Variants in PPFIA2 observed in about 807,000 individuals in gnomAD.
PPFIA2 encodes the protein liprin-alpha-2.
Under a neutral mutation model 175.5 loss-of-function variants are expected in PPFIA2, and 46 were observed. The observed-to-expected ratio is 0.26, with a 90% CI of 0.21 to 0.34. The LOEUF (loss-of-function observed/expected upper bound fraction) is 0.34. Among genes scored for constraint, PPFIA2 ranks in the 10% least tolerant of loss-of-function variants. The pLI, the probability that PPFIA2 is intolerant of heterozygous loss-of-function variation, is 1.00. For missense variants in PPFIA2, 1,179 were observed against 1,506.1 expected, an observed-to-expected ratio of 0.78 and a Z score of 3.60; for synonymous variants, 568 against 511.4, an observed-to-expected ratio of 1.11 and a Z score of -1.49.
intron 2 of PPFIA2, among the ~76,000 whole-genome samples, chr12:81,756,072 C>T (rs533174761): frequency 3.3e-5 from 5 of 151,314 alleles, no homozygotes; most frequent in Admixed American, 1.3e-4. Context: ...TTATTTAAAA[C>T]GATTAGTTAG....
At chr12:81,756,850 TA>T (rs1331326974) in intron 2 of PPFIA2, among the ~76,000 whole-genome samples, 1 of 152,164 alleles carries the variant, frequency 6.6e-6, no homozygotes, top group Admixed American at 6.5e-5. Flanking sequence ...TTAATTCTAG[TA>T]GATACTTTTG....
At chr12:81,480,740 G>A (rs1225339830) in intron 4 of PPFIA2, among the ~76,000 whole-genome samples, 2 of 152,068 alleles carry the variant, frequency 1.3e-5, no homozygotes, top group Admixed American at 6.6e-5. Flanking sequence ...CACCAGAGGA[G>A]GCTGCAGACA....
chr12:81,385,388 A>G (rs2038696117), intron 8 of PPFIA2, among the ~76,000 whole-genome samples: 1 of 152,194 alleles, frequency 6.6e-6, no homozygotes, highest in South Asian at 2.1e-4. Flanking sequence ...TGTGTGGAAG[A>G]GATATCTGCA....
chr12:81,365,095 T>C (rs1284872919), intron 14 of PPFIA2, among the ~76,000 whole-genome samples: 1 of 151,752 alleles, frequency 6.6e-6, no homozygotes, highest in Non-Finnish European at 1.5e-5. Context: ...AATTTATAGA[T>C]GGTGTTTAAA....
intron 27 of PPFIA2, chr12:81,279,235 C>A (rs2041445494): frequency 6.6e-6 from 1 of 152,090 alleles, no homozygotes; most frequent in South Asian, 2.1e-4. Flanking sequence ...CATCAGCAAG[C>A]CCAGGAGAGA....
At chr12:81,325,513 T>G (rs572949674) in intron 22 of PPFIA2, among the ~76,000 whole-genome samples, 2 of 152,274 alleles carry the variant, frequency 1.3e-5, no homozygotes, top group Non-Finnish European at 2.9e-5. Flanking sequence ...ATTGCATTAC[T>G]TGTAAGGATT....
chr12:81,396,620 T>C (rs1460824430), intron 8 of PPFIA2, among the ~76,000 whole-genome samples: 4 of 152,088 alleles, frequency 2.6e-5, no homozygotes, highest in Non-Finnish European at 5.9e-5. Context: ...TGTTCAGATA[T>C]ATGGTTTAAA....
chr12:81,658,587 C>T (rs1004328490), intron 4 of PPFIA2, among the ~76,000 whole-genome samples: 3 of 151,880 alleles, frequency 2.0e-5, no homozygotes, highest in Admixed American at 6.6e-5. Flanking sequence ...TAATTAGAAA[C>T]CAGTCTCTTG....
At chr12:81,601,361 G>A (rs1056088954) in intron 4 of PPFIA2, among the ~76,000 whole-genome samples, 5 of 151,780 alleles carry the variant, frequency 3.3e-5, no homozygotes, top group African/African-American at 1.2e-4. Context: ...AATAGGAAAG[G>A]TGTTGTCCAG....
At chr12:81,686,988 A>G (rs1027766079) in intron 3 of PPFIA2, among the ~76,000 whole-genome samples, 9 of 152,136 alleles carry the variant, frequency 5.9e-5, no homozygotes, top group African/African-American at 2.2e-4. Flanking sequence ...CACCACCAGC[A>G]GCAGCAGCAA....
At position 81,353,184 on chromosome 12, in the gene PPFIA2, A is replaced by G; in HGVS notation, c.1929T>C (p.His643=). 6.2e-7 allele frequency: 1 copy of G among 1,613,860 alleles called. No individual in the cohort carries two copies. The highest frequency in any genetic ancestry group is 8.5e-7 in the Non-Finnish European group (1 of 1,179,822). Residue 643 remains histidine (H), a synonymous_variant, in exon 17 of 33, where the codon CAT becomes CAC. Coordinates refer to ENST00000549396, the MANE Select transcript of PPFIA2 (RefSeq NM_003625.5). ...SSMDLLSPSG[H]SDAQTLAMML... The stretch of plus-strand genomic sequence containing the variant: ...TCATGGCTAGCGTCTGGGCATCGGA[A>G]TGACCACTTGGAGAGAGAAGATCCA...
At chr12:81,387,165 G>A (rs1373700295) in intron 8 of PPFIA2, among the ~76,000 whole-genome samples, 4 of 150,710 alleles carry the variant, frequency 2.7e-5, no homozygotes, top group African/African-American at 9.7e-5. Context: ...CTCTTTCTCG[G>A]GGAAAAAAAA....
intron 4 of PPFIA2, among the ~76,000 whole-genome samples, chr12:81,577,507 G>A (rs920993368): frequency 6.6e-6 from 1 of 151,860 alleles, no homozygotes; most frequent in South Asian, 2.1e-4. Context: ...TCAAAGAAGA[G>A]GAGGTTGGAC....
chr12:81,287,941 A>C (rs1593941679), intron 24 of PPFIA2, among the ~76,000 whole-genome samples: 1 of 151,792 alleles, frequency 6.6e-6, no homozygotes, highest in Non-Finnish European at 1.5e-5. Context: ...TTATCTACTC[A>C]CTGCCCTTGG....
chr12:81,322,782 G>C (rs1387645359), intron 22 of PPFIA2, among the ~76,000 whole-genome samples: 3 of 152,082 alleles, frequency 2.0e-5, no homozygotes, highest in Non-Finnish European at 4.4e-5. Context: ...TTATCAGGAA[G>C]GTAAAGATGG....
intron 17 of PPFIA2, among the ~76,000 whole-genome samples, chr12:81,349,182 C>A (rs1030890446): frequency 2.6e-5 from 4 of 152,162 alleles, no homozygotes; most frequent in Admixed American, 6.5e-5. Context: ...TTCTGCAAAT[C>A]TTTCAGTTTT....
chr12:81,384,199 T>G lies in PPFIA2; in HGVS notation c.808A>C (p.Ile270Leu). The G allele has an allele frequency of 6.2e-7, 1 of 1,606,416 alleles. No individual in the cohort carries two copies. Among genetic ancestry groups the G allele is most frequent in the African/African-American group, 1.3e-5 (1 of 74,950 alleles). ...TCAAGCAATTCTTGTAGTTCAACTA[T>G]TTGACTAGTTTCATCGGTTGAGTCT... ...SIDSTDETSQ[I>L]VELQELLEKQ... The change falls in exon 9 of 33, where the codon ATA (isoleucine) becomes CTA (leucine). Residue 270 changes from isoleucine to leucine, a missense_variant. Physicochemically the swap from Ile to Leu is conservative, Grantham distance 5 (BLOSUM62 2). This residue lies in a region of PPFIA2 where 226 missense variants were observed against 216.6 expected (regional missense o/e 1.04). Transcript: ENST00000549396.
chr12:81,635,994 T>C (rs1423202672), intron 4 of PPFIA2, among the ~76,000 whole-genome samples: 1 of 152,212 alleles, frequency 6.6e-6, no homozygotes, highest in Non-Finnish European at 1.5e-5. Context: ...TTAGTATTTA[T>C]TTATGCAAAA....
intron 3 of PPFIA2, among the ~76,000 whole-genome samples, chr12:81,684,589 C>G (rs2074167689): frequency 6.6e-6 from 1 of 152,092 alleles, no homozygotes; most frequent in Non-Finnish European, 1.5e-5. Flanking sequence ...ATAACTGTAT[C>G]ACTTTGAAAG....
Sources: gnomAD v4.1 joint callset for allele counts (sites outside exome capture counted in the v4.1 genomes callset) on GRCh38, gnomAD v4.1.1 for gene constraint, gnomAD v4.1.1 regional missense constraint, MANE v1.5 for transcripts, NCBI Gene and HGNC (gene_info 2026-07-23, HGNC 2026-07-21) for gene names.